Variants in SPON1 observed in about 807,000 individuals in gnomAD.
The protein encoded by SPON1 is spondin 1.
A neutral mutation model predicts 111.7 loss-of-function variants in SPON1; 52 were observed. The observed-to-expected ratio is 0.47, with a 90% CI of 0.37 to 0.59. The LOEUF (loss-of-function observed/expected upper bound fraction) is 0.59, where lower values mean the gene tolerates loss of function less well. SPON1 is among the 20% of genes least tolerant of loss of function. The probability of loss-of-function intolerance (pLI) is 0.00; values close to 1 mark genes in which losing one functional copy is unlikely to be tolerated. For missense variants in SPON1, 957 were observed against 1,068.5 expected, an observed-to-expected ratio of 0.90 and a Z score of 1.46; for synonymous variants, 410 against 395.8, an observed-to-expected ratio of 1.04 and a Z score of -0.43.
At position 14,022,819 on chromosome 11, in the gene SPON1, G is replaced by A. The variant is rs192503111; in HGVS notation, c.346-18702G>A. ...TTACCCACATTTTGCCCATACATTCGACTTTATCCAAAGAACGCTTTGAGT... is the reference window on the plus strand; with the variant it reads ...TTACCCACATTTTGCCCATACATTCAACTTTATCCAAAGAACGCTTTGAGT... On this transcript the variant is annotated intron_variant, in intron 2 of 15. Transcript: ENST00000576479. Among the ~76,000 whole-genome samples the A allele has an allele frequency of 5.3e-5, 8 of 152,264 alleles. No individual in the cohort carries two copies. In the East Asian group the frequency reaches 1.3e-3, roughly 26 times the overall value.
At chr11:14,107,845 G>A (rs1278337449) in intron 5 of SPON1, among the ~76,000 whole-genome samples, 1 of 152,106 alleles carries the variant, frequency 6.6e-6, no homozygotes, top group African/African-American at 2.4e-5. Flanking sequence ...CCGCTGAGAG[G>A]CAATACATAT....
intron 5 of SPON1, among the ~76,000 whole-genome samples, chr11:14,129,984 C>CCAG (rs1847508836): frequency 6.6e-6 from 1 of 152,182 alleles, no homozygotes; most frequent in African/African-American, 2.4e-5. Context: ...CTTTCATGAC[C>CCAG]TCCCACCAAA....
intron 4 of SPON1, among the ~76,000 whole-genome samples, chr11:14,076,678 C>A (rs1848920792): frequency 6.6e-6 from 1 of 152,210 alleles, no homozygotes; most frequent in Admixed American, 6.5e-5. Flanking sequence ...TTCAGTAGTT[C>A]TTATCATTGC....
At chr11:14,054,243 T>C (rs2133819792) in intron 3 of SPON1, among the ~76,000 whole-genome samples, 1 of 152,364 alleles carries the variant, frequency 6.6e-6, no homozygotes, top group Middle Eastern at 3.4e-3. Flanking sequence ...TATGTCTTAG[T>C]TCTATGCTAT....
intron 7 of SPON1, among the ~76,000 whole-genome samples, chr11:14,248,686 T>G (rs543426719): frequency 6.6e-6 from 1 of 152,282 alleles, no homozygotes; most frequent in South Asian, 2.1e-4. Context: ...TTGCCTCTCT[T>G]TGCTGAGCCT....
chr11:14,158,891 C>A (rs1160779952), intron 6 of SPON1, among the ~76,000 whole-genome samples: 1 of 152,114 alleles, frequency 6.6e-6, no homozygotes, highest in Admixed American at 6.6e-5. Flanking sequence ...GTGTCTCTAA[C>A]CCAATCTCAC....
At chr11:13,967,208 G>A (rs1848024332) in intron 1 of SPON1, among the ~76,000 whole-genome samples, 1 of 152,154 alleles carries the variant, frequency 6.6e-6, no homozygotes, top group Non-Finnish European at 1.5e-5. Context: ...CTTATGTGCT[G>A]ACTCAATGAA....
intron 5 of SPON1, among the ~76,000 whole-genome samples, chr11:14,095,635 C>T (rs1849094696): frequency 6.6e-6 from 1 of 152,070 alleles, no homozygotes. Context: ...GGCCAATGTC[C>T]CTGGTCAAGC....
At chr11:13,982,190 G>GTATA (rs1554909744) in intron 1 of SPON1, among the ~76,000 whole-genome samples, 1 of 152,032 alleles carries the variant, frequency 6.6e-6, no homozygotes, top group Non-Finnish European at 1.5e-5. Flanking sequence ...ATGTATGTAT[G>GTATA]TATGTATGTA....
chr11:14,260,945 T>C (rs1849164561), intron 14 of SPON1, among the ~76,000 whole-genome samples, 193 bp downstream of exon 14: 1 of 152,182 alleles, frequency 6.6e-6, no homozygotes. Context: ...AGAATCCCAC[T>C]ACCGTCTACA....
intron 5 of SPON1, among the ~76,000 whole-genome samples, chr11:14,126,487 C>T (rs1366402385): frequency 1.2e-4 from 18 of 152,180 alleles, no homozygotes; most frequent in Admixed American, 1.1e-3. Flanking sequence ...ACAAATGCAC[C>T]TGGTTGGCCA....
chr11:14,090,199 GAAAA>G (rs3047374), intron 5 of SPON1, among the ~76,000 whole-genome samples: 214 of 113,244 alleles, frequency 1.9e-3, no homozygotes, highest in South Asian at 4.1e-3. Flanking sequence ...ACTAGGGTAT[GAAAA>G]AAAAAAAAAA....
At chr11:14,245,162 A>G (rs185307246) in intron 7 of SPON1, among the ~76,000 whole-genome samples, 90 of 152,324 alleles carry the variant, frequency 5.9e-4, no homozygotes, top group African/African-American at 1.9e-3. Flanking sequence ...AAAGTGCTGG[A>G]CATTCAAAAG....
rs112022532 is a variant in SPON1, at chr11:14,247,513, G to A, written c.890+4117G>A. Among the ~76,000 whole-genome samples the A allele has an allele frequency of 5.3e-5, 8 of 152,162 alleles. No homozygotes were observed. In the South Asian group the frequency reaches 1.7e-3, roughly 32 times the overall value. On this transcript the variant is annotated intron_variant, in intron 7 of 15. Transcript: ENST00000576479. ...GGCCCCTGTGTGAAAGGGTAGATGC[G>A]GGAGCCCAGTGAGGGGGGCTACTTC...
chr11:14,075,860 G>A (rs1554921401), intron 4 of SPON1, among the ~76,000 whole-genome samples: 1 of 152,166 alleles, frequency 6.6e-6, no homozygotes, highest in African/African-American at 2.4e-5. Context: ...GGATGGGGAT[G>A]CCAAGGGGGT....
chr11:14,007,167 C>T (rs1451511273), intron 2 of SPON1, among the ~76,000 whole-genome samples: 1 of 152,232 alleles, frequency 6.6e-6, no homozygotes, highest in African/African-American at 2.4e-5. Context: ...AGATCCCTTG[C>T]ATGTGCAGTT....
intron 5 of SPON1, among the ~76,000 whole-genome samples, chr11:14,117,505 C>A (rs1302312380): frequency 6.6e-6 from 1 of 152,044 alleles, no homozygotes; most frequent in Non-Finnish European, 1.5e-5. Flanking sequence ...TTAGACTACC[C>A]TTGTATTCTT....
rs1554921325 is a variant in SPON1 at position 14,075,390 on chromosome 11, C to T, written c.525C>T (p.Gly175=). ...GCATTATTTATTTTCAAGATGAGGG[C>T]TCTCTGACCAAGAAACTTTGTGAAC... ...QKRIIYFQDE[G]SLTKKLCEQD... is the part of the protein sequence containing the mutation. Residue 175 remains glycine, a synonymous_variant, in exon 4 of 16, where the codon GGC becomes GGT. Coordinates refer to ENST00000576479, the MANE Select transcript of SPON1 (RefSeq NM_006108.4). The T allele has an allele frequency of 6.4e-7, 1 of 1,559,868 alleles. No individual in the cohort carries two copies. Among genetic ancestry groups the T allele is most frequent in the Admixed American group, 1.9e-5 (1 of 52,146 alleles).
rs1221341555 is a variant in SPON1, at chr11:14,267,390, C to A, written c.*1703C>A. Reference sequence around the variant, plus strand: ...TAAATCCTTAAATGAATTGCTTTCTCCCAAAAAAAGCACAATATAAAGAAA... The same window carrying A: ...TAAATCCTTAAATGAATTGCTTTCTACCAAAAAAAGCACAATATAAAGAAA... On this transcript the variant is annotated 3_prime_UTR_variant, in exon 16 of 16. Transcript: ENST00000576479. The A allele has an allele frequency of 6.6e-6, 1 of 152,084 alleles. No individual in the cohort carries two copies. The highest frequency in any genetic ancestry group is 1.5e-5 in the Non-Finnish European group (1 of 68,014). 9.4% of individuals were successfully genotyped at this position (152,084 alleles called of 1,614,324 possible). A position where few individuals can be genotyped will look rare whatever the true frequency, so the allele number is the denominator to read the frequency against.
Sources: allele counts gnomAD v4.1 joint callset (sites outside exome capture counted in the v4.1 genomes callset), GRCh38; gene constraint gnomAD v4.1.1; transcripts MANE v1.5; gene names NCBI Gene and HGNC (gene_info 2026-07-23, HGNC 2026-07-21).